C2orf92: variants seen among roughly 807,000 people sequenced by gnomAD.
The protein encoded by C2orf92 is chromosome 2 open reading frame 92.
At chr2:97,691,325 C>T (rs1379969463) in intron 5 of C2orf92, among the ~76,000 whole-genome samples, 1 of 152,182 alleles carries the variant, frequency 6.6e-6, no homozygotes, top group Non-Finnish European at 1.5e-5. Context: ...CCCAAACTGA[C>T]CTGGGCAGGT....
rs551761594 is a variant in C2orf92 at position 97,702,918 on chromosome 2, G to A, written c.*117G>A. 6 of 396,922 alleles carry A rather than the reference G, an allele frequency of 1.5e-5. No individual in the cohort carries two copies. The highest frequency in any genetic ancestry group is 4.1e-5 in the African/African-American group (2 of 48,706). 24.6% of individuals were successfully genotyped at this position (396,922 alleles called of 1,614,324 possible). On this transcript the variant is annotated 3_prime_UTR_variant, in exon 8 of 8. Transcript: ENST00000627399. The stretch of plus-strand genomic sequence containing the variant: ...CCCGGGAGGTGTATTCTACAAAAAC[G>A]TCTGCTTCCCATCCCAATTTGAATG...
intron 6 of C2orf92, 50 bp downstream of exon 6, chr2:97,699,186 A>G (rs925316080): frequency 1.5e-5 from 6 of 398,174 alleles, no homozygotes; most frequent in Non-Finnish European, 2.2e-5. Flanking sequence ...AAATACGGAC[A>G]ACTTCTGAAT....
upstream of C2orf92, chr2:97,664,047 A>C (rs557396083): frequency 1.0e-4 from 34 of 325,782 alleles, no homozygotes; most frequent in African/African-American, 7.1e-4. Flanking sequence ...GGCTTTCTGG[A>C]GGGCGGGCCC....
chr2:97,696,124 C>T (rs1228937999), intron 5 of C2orf92, among the ~76,000 whole-genome samples: 4 of 152,236 alleles, frequency 2.6e-5, no homozygotes, highest in Non-Finnish European at 5.9e-5. Flanking sequence ...GAGAGTCAAT[C>T]TAATCGGTAA....
At chr2:97,673,578 C>G (rs1675482604) in intron 1 of C2orf92, among the ~76,000 whole-genome samples, 2 of 152,154 alleles carry the variant, frequency 1.3e-5, no homozygotes, top group South Asian at 4.1e-4. Context: ...TCAACTGAAT[C>G]CAGAACCCAC....
intron 3 of C2orf92, among the ~76,000 whole-genome samples, chr2:97,677,145 G>A (rs1490677496): frequency 2.6e-5 from 4 of 152,178 alleles, no homozygotes; most frequent in Admixed American, 6.5e-5. Flanking sequence ...GCCCTGTGAC[G>A]GGCAGCAGTG....
At chr2:97,680,107 C>T (rs986422690) in intron 3 of C2orf92, among the ~76,000 whole-genome samples, 9 of 152,076 alleles carry the variant, frequency 5.9e-5, no homozygotes, top group Non-Finnish European at 1.3e-4. Flanking sequence ...CAAGACCAGC[C>T]TGGCCAACAT....
chr2:97,683,646 G>A (rs182289127), intron 3 of C2orf92, among the ~76,000 whole-genome samples: 1 of 151,112 alleles, frequency 6.6e-6, no homozygotes, highest in East Asian at 1.9e-4. Context: ...AAAATCTACC[G>A]TAAGATTCGT....
chr2:97,680,032 G>C (rs1675713998), intron 3 of C2orf92, among the ~76,000 whole-genome samples: 1 of 152,098 alleles, frequency 6.6e-6, no homozygotes, highest in African/African-American at 2.4e-5. Context: ...GAGCCTGGTG[G>C]CTCACGCCTG....
chr2:97,667,572 A>G (rs889997687), upstream of C2orf92, among the ~76,000 whole-genome samples: 6 of 151,262 alleles, frequency 4.0e-5, no homozygotes, highest in African/African-American at 1.5e-4. Flanking sequence ...AGCTGGGACT[A>G]CAGGCGCCCA....
chr2:97,688,334 A>C (rs73959772), intron 3 of C2orf92, among the ~76,000 whole-genome samples: 6,820 of 152,088 alleles, frequency 0.045, 489 homozygotes, highest in African/African-American at 0.15. Flanking sequence ...GGGCTTTGTG[A>C]GGGCTGTTTT....
chr2:97,670,065 G>T (rs745544377), intron 1 of C2orf92: 78 of 376,904 alleles, frequency 2.1e-4, no homozygotes, highest in Non-Finnish European at 2.8e-4. Flanking sequence ...TAGGAGGGTG[G>T]CATACATGCG....
At chr2:97,675,644 G>A (rs913923323) in intron 2 of C2orf92, 6 of 392,902 alleles carry the variant, frequency 1.5e-5, no homozygotes, top group Non-Finnish European at 2.2e-5. Flanking sequence ...ATGTGAAAAT[G>A]AGCTTAGCCC....
upstream of C2orf92, chr2:97,668,934 G>A (rs1675316783): frequency 6.6e-6 from 1 of 152,184 alleles, no homozygotes; most frequent in Admixed American, 6.6e-5. Context: ...GATTACAGGT[G>A]TGAGCCACCG....
chr2:97,682,259 T>G (rs1327877013), intron 3 of C2orf92, among the ~76,000 whole-genome samples: 2 of 152,084 alleles, frequency 1.3e-5, no homozygotes, highest in Non-Finnish European at 2.9e-5. Context: ...CAAAATTGAC[T>G]CCAGAAGAAA....
chr2:97,678,997 T>G (rs1015071003), intron 3 of C2orf92, among the ~76,000 whole-genome samples: 8 of 146,408 alleles, frequency 5.5e-5, no homozygotes, highest in East Asian at 4.0e-4. Context: ...AAAAAAAAAG[T>G]AAAAAGGAAA....
At chr2:97,672,902 G>A (rs889530376) in intron 1 of C2orf92, among the ~76,000 whole-genome samples, 1 of 152,160 alleles carries the variant, frequency 6.6e-6, no homozygotes, top group Non-Finnish European at 1.5e-5. Context: ...TGCAGGATGA[G>A]TGGGCTTTGT....
upstream of C2orf92, chr2:97,668,128 C>G (rs929217150): frequency 1.3e-5 from 2 of 152,066 alleles, no homozygotes; most frequent in Admixed American, 1.3e-4. Flanking sequence ...ATTTTCTGTC[C>G]TGTGGTTGTG....
At chr2:97,665,731 CTCTCTCTATATATATATA>C (rs1216348665), upstream of C2orf92, 260 of 23,208 alleles carry the variant, frequency 0.011, 1 homozygote, top group African/African-American at 0.035. Context: ...CTCTCTCTCT[CTCTCTCTATATATATATA>C]TATATATATA....
Sources: allele counts gnomAD v4.1 joint callset (sites outside exome capture counted in the v4.1 genomes callset), GRCh38; gene constraint gnomAD v4.1.1; transcripts MANE v1.5; gene names NCBI Gene and HGNC (gene_info 2026-07-23, HGNC 2026-07-21).